The following FECH variants were observed in gnomAD, a reference collection of about 807,000 sequenced individuals.
FECH encodes the protein ferrochelatase.
A neutral mutation model predicts 56.9 loss-of-function variants in FECH; 40 were observed. That is an observed-to-expected ratio of 0.70 (90% CI 0.55 to 0.92). The LOEUF is 0.92. FECH is among the 40% of genes least tolerant of loss of function. The pLI, the probability that FECH is intolerant of heterozygous loss-of-function variation, is 0.00. For missense variants in FECH, 431 were observed against 529.1 expected, an observed-to-expected ratio of 0.81 and a Z score of 1.82; for synonymous variants, 175 against 198.6, an observed-to-expected ratio of 0.88 and a Z score of 1.00.
chr18:57,559,024 G>C, intron 7 of FECH, 121 bp downstream of exon 7: 2 of 738,242 alleles, frequency 2.7e-6, no homozygotes, highest in Non-Finnish European at 2.5e-6. Context: ...TCTGAGATTT[G>C]AGAATTCATT....
rs556261384 is a variant in FECH at position 57,569,685 on chromosome 18, A to T, written c.463+1707T>A. On this transcript the variant is annotated intron_variant, in intron 4 of 10. Transcript: ENST00000262093. ...CAATCCTTCTGCTTCAGCCTCCCAA[A>T]CTGCTGGGGTGTGCCCCACCCCCAT... Among the ~76,000 whole-genome samples the T allele has an allele frequency of 2.6e-5, 4 of 152,080 alleles. No homozygotes were observed. In the East Asian group the frequency reaches 7.7e-4, roughly 29 times the overall value.
chr18:57,575,629 G>C (rs759051170), intron 2 of FECH, among the ~76,000 whole-genome samples: 10 of 152,098 alleles, frequency 6.6e-5, no homozygotes, highest in South Asian at 4.1e-4. Context: ...TTTTTATATA[G>C]ACAGAGTCTC....
In FECH at chr18:57,549,413, T is replaced by C. The variant is rs1305319091; in HGVS notation, c.*1299A>G. On this transcript the variant is annotated 3_prime_UTR_variant, in exon 11 of 11. Transcript: ENST00000262093. ...TATGAATCTCCTAATACTTCCACTT[T>C]ATAAACTGGCTAAAAAAAAAAAAAA... 8.8e-6 allele frequency: 1 copy of C among 114,034 alleles called. No individual in the cohort carries two copies. The highest frequency in any genetic ancestry group is 3.4e-5 in the African/African-American group (1 of 29,432). 7.1% of individuals were successfully genotyped at this position (114,034 alleles called of 1,614,324 possible).
chr18:57,577,618 TAATAA>T (rs1298396812), intron 2 of FECH, among the ~76,000 whole-genome samples: 1 of 152,206 alleles, frequency 6.6e-6, no homozygotes, highest in African/African-American at 2.4e-5. Flanking sequence ...GTTTATGACT[TAATAA>T]AATACTCTTC....
At chr18:57,578,958 C>CA (rs201597895) in intron 2 of FECH, among the ~76,000 whole-genome samples, 12,651 of 139,246 alleles carry the variant, frequency 0.091, 611 homozygotes, top group South Asian at 0.18. Flanking sequence ...GACTCCCTCT[C>CA]AAAAAAAAAA....
chr18:57,573,360 G>A lies in FECH; in HGVS notation c.200C>T (p.Pro67Leu), dbSNP rs768844837. Residue 67 changes from proline (P) to leucine (L), a missense_variant, in exon 3 of 11, where the codon CCG (proline) becomes CTG (leucine). Pro to Leu is a moderately conservative substitution (Grantham distance 98). Transcript: ENST00000262093. ...KPQVQPQKRK[P>L]KTGILMLNMG... ...GTTTAGCATTAATATTCCAGTTTTC[G>A]GCTTCCTATATAAAATAAAATACAA... The A allele has an allele frequency of 1.1e-5, 17 of 1,613,978 alleles. No individual in the cohort carries two copies. The highest frequency in any genetic ancestry group is 2.2e-5 in the South Asian group (2 of 91,062).
chr18:57,568,390 T>C (rs1004557261), intron 4 of FECH, among the ~76,000 whole-genome samples: 2 of 152,218 alleles, frequency 1.3e-5, no homozygotes, highest in Admixed American at 1.3e-4. Flanking sequence ...AAAGAACTGA[T>C]AATGTTTTCT....
rs1360618608 is a variant in FECH, at chr18:57,545,074, G to A, written c.*5638C>T. Among the ~76,000 whole-genome samples, 1 of 152,110 alleles carries A rather than the reference G, an allele frequency of 6.6e-6. No homozygotes were observed. The highest frequency in any genetic ancestry group is 1.5e-5 in the Non-Finnish European group (1 of 68,006). On this transcript the variant is annotated 3_prime_UTR_variant, in exon 11 of 11. Transcript: ENST00000262093. ...TTTCTTAACATGACAGGAAAGTAAA[G>A]CTTTGACCCGCAGGGGAGACTGGAG...
At chr18:57,582,886 T>C (rs1455784174) in intron 1 of FECH, among the ~76,000 whole-genome samples, 1 of 150,878 alleles carries the variant, frequency 6.6e-6, no homozygotes, top group Admixed American at 6.6e-5. Flanking sequence ...CACTCCAGCC[T>C]GGGTGACAGA....
chr18:57,563,580 C>A (rs78801985), intron 5 of FECH, among the ~76,000 whole-genome samples: 2,976 of 33,432 alleles, frequency 0.089, 247 homozygotes, highest in African/African-American at 0.18. Context: ...AACTCCGTCC[C>A]AAAAAAAAAA....
intron 5 of FECH, among the ~76,000 whole-genome samples, chr18:57,565,463 G>A (rs540846394): frequency 8.6e-5 from 13 of 152,040 alleles, no homozygotes; most frequent in African/African-American, 3.1e-4. Context: ...CAAATTAGCC[G>A]AGCGTGGTGG....
Position 57,571,475 on chromosome 18 carries a change from C to A in FECH, c.380G>T (p.Gly127Val). 6.2e-7 allele frequency: 1 copy of A among 1,613,926 alleles called. No individual in the cohort carries two copies. Among genetic ancestry groups the A allele is most frequent in the Non-Finnish European group, 8.5e-7 (1 of 1,179,980 alleles). The change falls in exon 4 of 11, where the codon GGA becomes GTA. Residue 127 changes from glycine to valine, a missense_variant. Transcript: ENST00000262093. ...CCATATCTTGATGGGGGATCCGCCT[C>A]CAATCCTGCGGTACTGCTCTTGAAT... is the stretch of plus-strand genomic sequence containing the variant. ...PKIQEQYRRI[G>V]GGSPIKIWTS...
chr18:57,565,035 A>G (rs2050998681), intron 5 of FECH, among the ~76,000 whole-genome samples: 1 of 152,246 alleles, frequency 6.6e-6, no homozygotes, highest in Non-Finnish European at 1.5e-5. Context: ...CTGTCCTTAC[A>G]TGAGATACAT....
Position 57,571,540 on chromosome 18 carries a change from A to G in FECH, c.315T>C (p.Asn105=), listed in dbSNP as rs745345072. ...DRDLMTLPIQ[N]KLAPFIAKRR... ...GTTTGGCGATGAATGGTGCCAGCTT[A>G]CTAAATCATTTAACATACAGGTAAG... Residue 105 remains asparagine (N), a splice_region_variant and synonymous_variant, in exon 4 of 11, where the codon AAT becomes AAC. Coordinates refer to ENST00000262093, the MANE Select transcript of FECH (RefSeq NM_000140.5). 1.7e-5 allele frequency: 27 copies of G among 1,614,028 alleles called. No individual in the cohort carries two copies. The highest frequency in any genetic ancestry group is 8.0e-5 in the African/African-American group (6 of 74,920).
In FECH at chr18:57,547,111, T is replaced by C. The variant is rs73453635; in HGVS notation, c.*3601A>G. ...TTTACCAATGTCTGTACTCCCATTG[T>C]ATCTTGGAAGTCACTAACTTGCTTT... is the stretch of plus-strand genomic sequence containing the variant. On this transcript the variant is annotated 3_prime_UTR_variant, in exon 11 of 11. Coordinates refer to ENST00000262093, the MANE Select transcript of FECH (RefSeq NM_000140.5). Among the ~76,000 whole-genome samples, 4,221 of 152,150 alleles carry C rather than the reference T, an allele frequency of 0.028. 79 individuals are homozygous for C. The highest frequency in any genetic ancestry group is 0.074 in the East Asian group (381 of 5,170).
rs1160565035 is a variant in FECH at position 57,566,513 on chromosome 18, C to T, written c.532G>A (p.Glu178Lys). The T allele has an allele frequency of 6.2e-7, 1 of 1,614,200 alleles. No individual in the cohort carries two copies. Among genetic ancestry groups the T allele is most frequent in the Non-Finnish European group, 8.5e-7 (1 of 1,180,026 alleles). Reference sequence around the variant, plus strand: ...ATAGCCCTTTCTAGGCCATCTCTCTCCATCTCTTCAATTGCTTCTTCTGTT... The same window carrying T: ...ATAGCCCTTTCTAGGCCATCTCTCTTCATCTCTTCAATTGCTTCTTCTGTT... ...PLTEEAIEEM[E>K]RDGLERAIAF... The change falls in exon 5 of 11, where the codon GAG becomes AAG. Residue 178 changes from glutamate to lysine, a missense_variant. Physicochemically the swap from Glu to Lys is moderately conservative, Grantham distance 56. Coordinates refer to ENST00000262093, the MANE Select transcript of FECH (RefSeq NM_000140.5).
intron 5 of FECH, among the ~76,000 whole-genome samples, chr18:57,564,906 C>T (rs181913692): frequency 3.3e-5 from 5 of 152,342 alleles, no homozygotes; most frequent in South Asian, 2.1e-4. Flanking sequence ...TAAAGACACA[C>T]ACTGGCTCTG....
intron 2 of FECH, among the ~76,000 whole-genome samples, chr18:57,578,977 C>G (rs372057276): frequency 6.9e-6 from 1 of 145,962 alleles, no homozygotes; most frequent in East Asian, 2.1e-4. Flanking sequence ...AATAAAATTA[C>G]AGGCTCATGC....
At position 57,550,674 on chromosome 18, in the gene FECH, G is replaced by T; in HGVS notation, c.*38C>A. The T allele has an allele frequency of 1.2e-6, 2 of 1,613,504 alleles. No individual in the cohort carries two copies. The highest frequency in any genetic ancestry group is 1.7e-6 in the Non-Finnish European group (2 of 1,179,738). ...TCCACATCGGAGGTATCTGGAGGTT[G>T]GGCATTTGCCTAACGCCACGGGGTC... On this transcript the variant is annotated 3_prime_UTR_variant, in exon 11 of 11. Transcript: ENST00000262093.
Sources: allele counts gnomAD v4.1 joint callset (sites outside exome capture counted in the v4.1 genomes callset), GRCh38; gene constraint gnomAD v4.1.1; transcripts MANE v1.5; gene names NCBI Gene and HGNC (gene_info 2026-07-23, HGNC 2026-07-21).